Variants in TENM3 observed in about 807,000 individuals in gnomAD.
TENM3 encodes teneurin-3.
Under a neutral mutation model 255.1 loss-of-function variants are expected in TENM3, and 63 were observed. That is an observed-to-expected ratio of 0.25 (90% CI 0.20 to 0.30). TENM3 has a LOEUF of 0.30. Ranked by LOEUF, TENM3 falls within the 10% of genes least tolerant of loss-of-function variation. TENM3 has a pLI of 1.00. For missense variants in TENM3, 2,929 were observed against 3,461.1 expected, an observed-to-expected ratio of 0.85 and a Z score of 3.86; for synonymous variants, 1,306 against 1,322.3, an observed-to-expected ratio of 0.99 and a Z score of 0.27.
chr4:182,134,505 T>C, the TENM3 span, among the ~76,000 whole-genome samples: 5 of 152,154 alleles, frequency 3.3e-5, no homozygotes, highest in Non-Finnish European at 7.4e-5. Flanking sequence ...ATGGCCTACT[T>C]TTTTCTCCTC....
At chr4:182,508,336 G>A (rs1418533043) in intron 3 of TENM3, among the ~76,000 whole-genome samples, 3 of 152,152 alleles carry the variant, frequency 2.0e-5, no homozygotes, top group Non-Finnish European at 4.4e-5. Context: ...TCCTATAAGA[G>A]TATGCTCCGC....
At chr4:182,249,559 C>T (rs1210877127) in intron 1 of TENM3, among the ~76,000 whole-genome samples, 1 of 152,106 alleles carries the variant, frequency 6.6e-6, no homozygotes, top group African/African-American at 2.4e-5. Context: ...GTAGACTGAA[C>T]CGCTTCCTCT....
At chr4:182,030,415 T>C in the TENM3 span, among the ~76,000 whole-genome samples, 1 of 152,158 alleles carries the variant, frequency 6.6e-6, no homozygotes. Context: ...CATGATGTTG[T>C]TCCTTTTCAT....
chr4:181,871,926 G>T, the TENM3 span, among the ~76,000 whole-genome samples: 31 of 151,952 alleles, frequency 2.0e-4, no homozygotes, highest in African/African-American at 6.5e-4. Flanking sequence ...TGATCATAAG[G>T]TATGGCTATT....
At chr4:181,729,361 G>A in the TENM3 span, among the ~76,000 whole-genome samples, 1 of 152,162 alleles carries the variant, frequency 6.6e-6, no homozygotes, top group East Asian at 1.9e-4. Context: ...GACTGTGGAA[G>A]CAAATGCCAT....
chr4:181,790,936 AG>A, the TENM3 span, among the ~76,000 whole-genome samples: 1 of 152,218 alleles, frequency 6.6e-6, no homozygotes, highest in Non-Finnish European at 1.5e-5. Flanking sequence ...TCAAGTACAA[AG>A]AAACCTGGCC....
At chr4:182,611,562 C>T (rs1399793859) in intron 4 of TENM3, among the ~76,000 whole-genome samples, 1 of 152,066 alleles carries the variant, frequency 6.6e-6, no homozygotes, top group African/African-American at 2.4e-5. Context: ...TACATTTTTA[C>T]ATTTTAAGTA....
chr4:182,786,685 A>T (rs1027100923), intron 24 of TENM3, among the ~76,000 whole-genome samples: 1 of 152,168 alleles, frequency 6.6e-6, no homozygotes, highest in African/African-American at 2.4e-5. Flanking sequence ...GAAATACCGC[A>T]GAGATGAAGG....
intron 3 of TENM3, among the ~76,000 whole-genome samples, chr4:182,540,445 C>T (rs182479995): frequency 3.6e-4 from 55 of 152,162 alleles, no homozygotes; most frequent in African/African-American, 1.3e-3. Context: ...CAAAATTAGC[C>T]GGGCATGGTG....
At chr4:182,482,020 CTTAA>C (rs544704887) in intron 3 of TENM3, among the ~76,000 whole-genome samples, 18 of 152,114 alleles carry the variant, frequency 1.2e-4, no homozygotes, top group Non-Finnish European at 2.2e-4. Context: ...GATACTGTAT[CTTAA>C]TTGAGTATAT....
the TENM3 span, among the ~76,000 whole-genome samples, chr4:181,633,371 G>A: frequency 6.6e-6 from 1 of 152,282 alleles, no homozygotes; most frequent in East Asian, 1.9e-4. Flanking sequence ...CAAATGAGCT[G>A]CGGTATACAA....
chr4:182,336,775 T>G (rs1764165281), intron 2 of TENM3, among the ~76,000 whole-genome samples: 2 of 152,058 alleles, frequency 1.3e-5, no homozygotes, highest in Non-Finnish European at 2.9e-5. Context: ...AAGTCCCCAA[T>G]GCTGAAGGAA....
At chr4:182,301,507 C>A (rs572702594) in intron 1 of TENM3, among the ~76,000 whole-genome samples, 1 of 152,220 alleles carries the variant, frequency 6.6e-6, no homozygotes, top group East Asian at 1.9e-4. Context: ...ATATTACTGT[C>A]AATTTCAGAT....
chr4:181,944,967 G>A, the TENM3 span, among the ~76,000 whole-genome samples: 1 of 152,058 alleles, frequency 6.6e-6, no homozygotes, highest in South Asian at 2.1e-4. Flanking sequence ...ACTGAAACAT[G>A]CTTGCCTCTC....
chr4:182,230,857 T>TATATATATATA, intron 1 of TENM3, among the ~76,000 whole-genome samples: 2 of 119,178 alleles, frequency 1.7e-5, no homozygotes, highest in African/African-American at 3.1e-5. Flanking sequence ...TATATATATA[T>TATATATATATA]CCCCCTTCTA....
intron 3 of TENM3, among the ~76,000 whole-genome samples, chr4:182,586,486 A>C (rs1746032211): frequency 6.6e-6 from 1 of 152,200 alleles, no homozygotes; most frequent in Non-Finnish European, 1.5e-5. Flanking sequence ...AGAGGCTTTT[A>C]GTGTTGTATA....
At chr4:182,568,974 G>T (rs1375457961) in intron 3 of TENM3, among the ~76,000 whole-genome samples, 1 of 152,212 alleles carries the variant, frequency 6.6e-6, no homozygotes, top group Admixed American at 6.5e-5. Context: ...GAGAGTGGTT[G>T]CCTGGAGTAG....
chr4:182,634,302 T>C (rs1224834248), intron 5 of TENM3, among the ~76,000 whole-genome samples: 1 of 151,856 alleles, frequency 6.6e-6, no homozygotes, highest in Non-Finnish European at 1.5e-5. Context: ...ATAGTACAAG[T>C]CTAGACAACC....
At chr4:181,681,149 G>A in the TENM3 span, among the ~76,000 whole-genome samples, 2 of 151,942 alleles carry the variant, frequency 1.3e-5, no homozygotes, top group Non-Finnish European at 2.9e-5. Context: ...AAATTTCCAA[G>A]TCAAACAGAA....
Sources: gnomAD v4.1 joint callset for allele counts (sites outside exome capture counted in the v4.1 genomes callset) on GRCh38, gnomAD v4.1.1 for gene constraint, MANE v1.5 for transcripts, NCBI Gene and HGNC (gene_info 2026-07-23, HGNC 2026-07-21) for gene names.